The following SMIM21 variants were observed in gnomAD, a reference collection of about 807,000 sequenced individuals.
SMIM21 encodes small integral membrane protein 21.
SMIM21 carries 8 observed loss-of-function variants against 8.6 expected under a neutral mutation model. The ratio of observed to expected loss-of-function variants is 0.93; its 90% CI spans 0.55 to 1.68. The LOEUF (loss-of-function observed/expected upper bound fraction) is 1.68. SMIM21 is among the 40% of genes most tolerant of loss of function. The pLI, the probability that SMIM21 is intolerant of heterozygous loss-of-function variation, is 0.00. For missense variants in SMIM21, 132 were observed against 123.0 expected, an observed-to-expected ratio of 1.07 and a Z score of -0.35; for synonymous variants, 43 against 41.7, an observed-to-expected ratio of 1.03 and a Z score of -0.12.
At chr18:75,427,192 C>G (rs1374373555) in intron 1 of SMIM21, among the ~76,000 whole-genome samples, 1 of 152,058 alleles carries the variant, frequency 6.6e-6, no homozygotes, top group African/African-American at 2.4e-5. Context: ...AAGGGGAGGG[C>G]CCAGTACCTT....
At position 75,421,602 on chromosome 18, in the gene SMIM21, G is replaced by C. The variant is rs77025652; in HGVS notation, c.130-2686C>G. Among the ~76,000 whole-genome samples, 817 of 152,188 alleles carry C rather than the reference G, an allele frequency of 5.4e-3. 6 individuals carry two copies. Among genetic ancestry groups the C allele is most frequent in the African/African-American group, 0.018 (741 of 41,522 alleles). Reference sequence around the variant, plus strand: ...CGTGGAGCTCTGTGGGGTCAGGGTGGGGAACATGACAGGAATATCAAAATA... The same window carrying C: ...CGTGGAGCTCTGTGGGGTCAGGGTGCGGAACATGACAGGAATATCAAAATA... On this transcript the variant is annotated intron_variant, in intron 1 of 2. Transcript: ENST00000579022.
At chr18:75,423,528 A>T (rs1407799665) in intron 1 of SMIM21, among the ~76,000 whole-genome samples, 1 of 152,250 alleles carries the variant, frequency 6.6e-6, no homozygotes, top group Non-Finnish European at 1.5e-5. Flanking sequence ...TCATCTTTCC[A>T]GCCAGGCCGT....
At position 75,409,897 on chromosome 18, in the gene SMIM21, G is replaced by T. The variant is rs149337870; in HGVS notation, c.*967C>A. 837 of 152,778 alleles carry T rather than the reference G, an allele frequency of 5.5e-3. 2 individuals carry two copies. The highest frequency in any genetic ancestry group is 8.4e-3 in the Non-Finnish European group (574 of 68,050). The allele number at this position is 152,778 out of a possible 1,614,324, so 9.5% of individuals were successfully genotyped here. ...CAGCCGGACTCTTCAGTGCACAGCT[G>T]CCACAGGCAACCTGGACGAATCCAG... On this transcript the variant is annotated 3_prime_UTR_variant, in exon 3 of 3. Transcript: ENST00000579022.
In SMIM21 at chr18:75,418,877, C is replaced by T; in HGVS notation, c.169G>A (p.Val57Ile). Residue 57 changes from valine (V) to isoleucine (I), a missense_variant, in exon 2 of 3, where the codon GTT becomes ATT. Val to Ile is a conservative substitution (Grantham distance 29). Coordinates refer to ENST00000579022, the MANE Select transcript of SMIM21 (RefSeq NM_001037331.3). Reference sequence around the variant, plus strand: ...AGCAACACCATCACATGGAAAAGAACCAACAATGTGAAGAAACGAATATGG... The same window carrying T: ...AGCAACACCATCACATGGAAAAGAATCAACAATGTGAAGAAACGAATATGG... ...EHHIRFFTLL[V>I]LFHVMVLLRN... The T allele has an allele frequency of 6.2e-7, 1 of 1,605,704 alleles. No homozygotes were observed. Among genetic ancestry groups the T allele is most frequent in the Non-Finnish European group, 8.5e-7 (1 of 1,172,610 alleles).
At chr18:75,410,967 T>TA (rs1381697567) in intron 2 of SMIM21, 58 bp from the exon 3 acceptor site, 2 of 1,582,978 alleles carry the variant, frequency 1.3e-6, no homozygotes, top group Non-Finnish European at 1.7e-6. Flanking sequence ...ATAATCAAAA[T>TA]ATTACAATAA....
intron 2 of SMIM21, among the ~76,000 whole-genome samples, chr18:75,414,835 A>AT (rs138151206): frequency 0.029 from 4,410 of 152,236 alleles, 125 homozygotes; most frequent in South Asian, 0.14. Flanking sequence ...TGGCTTTGGT[A>AT]TTTTGCGTAC....
rs1309215072 is a variant in SMIM21, at chr18:75,427,554, A to G, written c.10T>C (p.Tyr4His). 6.2e-7 allele frequency: 1 copy of G among 1,610,668 alleles called. No homozygotes were observed. The highest frequency in any genetic ancestry group is 1.1e-5 in the South Asian group (1 of 90,538). MDQ[Y>H]VSTAPPRFPI... Reference sequence around the variant, plus strand: ...AATCGGGGAGGAGCTGTGGACACATACTGGTCCATGTGGGGGCTGCGGCGG... The same window carrying G: ...AATCGGGGAGGAGCTGTGGACACATGCTGGTCCATGTGGGGGCTGCGGCGG... The change falls in exon 1 of 3, where the codon TAT (tyrosine) becomes CAT (histidine). Residue 4 changes from tyrosine to histidine, a missense_variant. Physicochemically the swap from Tyr to His is moderately conservative, Grantham distance 83. Transcript: ENST00000579022.
At chr18:75,412,396 C>T (rs775968476) in intron 2 of SMIM21, 10 of 152,190 alleles carry the variant, frequency 6.6e-5, no homozygotes, top group Non-Finnish European at 1.2e-4. Context: ...TTTCTATTTG[C>T]CAGTCCTTAA....
intron 2 of SMIM21, among the ~76,000 whole-genome samples, chr18:75,411,888 C>G (rs1177635640): frequency 6.6e-6 from 1 of 152,166 alleles, no homozygotes; most frequent in Admixed American, 6.5e-5. Context: ...CATCTGCTCC[C>G]TTCATTTCTC....
intron 2 of SMIM21, among the ~76,000 whole-genome samples, chr18:75,411,927 C>A (rs2024588700): frequency 6.6e-6 from 1 of 152,204 alleles, no homozygotes. Context: ...TGCAGCAATA[C>A]AAGGTCTCCT....
intron 2 of SMIM21, among the ~76,000 whole-genome samples, chr18:75,414,058 GTCTC>G (rs1210865317): frequency 6.7e-6 from 1 of 148,764 alleles, no homozygotes; most frequent in African/African-American, 2.5e-5. Flanking sequence ...ATGCCTAGGA[GTCTC>G]TCTCTCTCTG....
At chr18:75,421,896 C>G (rs908546237) in intron 1 of SMIM21, among the ~76,000 whole-genome samples, 2 of 152,178 alleles carry the variant, frequency 1.3e-5, no homozygotes, top group African/African-American at 4.8e-5. Context: ...CCCCATTGCA[C>G]ATAATACTAA....
intron 1 of SMIM21, among the ~76,000 whole-genome samples, chr18:75,425,868 G>A (rs912643547): frequency 3.9e-5 from 6 of 152,320 alleles, no homozygotes; most frequent in Admixed American, 2.0e-4. Context: ...GGAGGGGACA[G>A]GGACAGTCTC....
At chr18:75,413,985 CAAA>C (rs1413480835) in intron 2 of SMIM21, among the ~76,000 whole-genome samples, 1 of 151,964 alleles carries the variant, frequency 6.6e-6, no homozygotes, top group Non-Finnish European at 1.5e-5. Context: ...ACAAAAGAAA[CAAA>C]GAACAACTAT....
intron 2 of SMIM21, among the ~76,000 whole-genome samples, chr18:75,413,944 A>G (rs1165934645): frequency 6.6e-6 from 1 of 152,208 alleles, no homozygotes; most frequent in Non-Finnish European, 1.5e-5. Context: ...TGTGCCCTTC[A>G]TAGTATTTAT....
intron 2 of SMIM21, among the ~76,000 whole-genome samples, chr18:75,411,879 A>G (rs1301296574): frequency 2.0e-5 from 3 of 152,196 alleles, no homozygotes; most frequent in East Asian, 1.9e-4. Flanking sequence ...TCATAATCCC[A>G]TCTGCTCCCT....
At chr18:75,418,175 AAAGAAG>A (rs1434331743) in intron 2 of SMIM21, 20 of 398,400 alleles carry the variant, frequency 5.0e-5, no homozygotes, top group Non-Finnish European at 8.4e-5. Context: ...ACAGTGGGAG[AAAGAAG>A]GAGTTTTTTA....
rs770508421 is a variant in SMIM21, at chr18:75,418,826, C to T, written c.220G>A (p.Val74Ile). 18 of 1,612,464 alleles carry T rather than the reference C, an allele frequency of 1.1e-5. No homozygotes were observed. The highest frequency in any genetic ancestry group is 1.5e-5 in the Non-Finnish European group (18 of 1,178,964). Reference sequence around the variant, plus strand: ...TTGGCCCTTTTCCAGTCTTCAGAAACCCCTTGTATCCTGCTATGATTCCTC... The same window carrying T: ...TTGGCCCTTTTCCAGTCTTCAGAAATCCCTTGTATCCTGCTATGATTCCTC... ...LLRNHSRIQG[V>I]SEDWKRANSI... Residue 74 changes from valine (V) to isoleucine (I), a missense_variant, in exon 2 of 3, where the codon GTT becomes ATT. By Grantham distance (29) the Val-to-Ile change is conservative (BLOSUM62 3). Coordinates refer to ENST00000579022, the MANE Select transcript of SMIM21 (RefSeq NM_001037331.3).
chr18:75,419,109 T>G (rs1415810624), intron 1 of SMIM21, 193 bp from the exon 2 acceptor site: 5 of 427,202 alleles, frequency 1.2e-5, no homozygotes, highest in Non-Finnish European at 2.1e-5. Flanking sequence ...GGGGAAAAGA[T>G]AATGCATGTA....
Sources: allele counts gnomAD v4.1 joint callset (sites outside exome capture counted in the v4.1 genomes callset), GRCh38; gene constraint gnomAD v4.1.1; transcripts MANE v1.5; gene names NCBI Gene and HGNC (gene_info 2026-07-23, HGNC 2026-07-21).